Variants in PRPF6 observed in about 807,000 individuals in gnomAD.
PRPF6 encodes pre-mRNA-processing factor 6.
PRPF6 carries 42 observed loss-of-function variants against 118.3 expected under a neutral mutation model. That is an observed-to-expected ratio of 0.35 (90% confidence interval 0.28 to 0.46). PRPF6 has a LOEUF of 0.46. Ranked by LOEUF, PRPF6 falls within the 20% of genes least tolerant of loss-of-function variation. PRPF6 has a pLI of 1.00. For synonymous variants in PRPF6, 481 were observed against 485.1 expected (o/e 0.99, Z 0.11); for missense variants, 662 against 1,255.7 (o/e 0.53, Z 7.15).
intron 12 of PRPF6, among the ~76,000 whole-genome samples, chr20:64,020,416 T>TA (rs921036625): frequency 1.3e-5 from 2 of 150,900 alleles, no homozygotes; most frequent in Non-Finnish European, 3.0e-5. Flanking sequence ...ACTCTGTCTT[T>TA]AAAAAAAAAT....
chr20:64,024,804 G>T, intron 14 of PRPF6, 111 bp downstream of exon 14: 1 of 1,470,512 alleles, frequency 6.8e-7, no homozygotes, highest in South Asian at 1.2e-5. Flanking sequence ...GCTGTTGTTG[G>T]GGTGCACTGG....
intron 6 of PRPF6, among the ~76,000 whole-genome samples, chr20:63,996,991 C>G (rs1257475832): frequency 6.6e-6 from 1 of 152,108 alleles, no homozygotes; most frequent in Non-Finnish European, 1.5e-5. Flanking sequence ...CAGAATTTAC[C>G]ATTTTAATCA....
intron 20 of PRPF6, 136 bp from the exon 21 acceptor site, chr20:64,032,705 G>C: frequency 6.2e-6 from 7 of 1,133,736 alleles, no homozygotes; most frequent in Middle Eastern, 2.8e-4. Flanking sequence ...TTCCGGTGCA[G>C]GGCCTGTGCC....
intron 1 of PRPF6, among the ~76,000 whole-genome samples, chr20:63,982,624 T>C (rs2122966520): frequency 6.6e-6 from 1 of 152,240 alleles, no homozygotes; most frequent in African/African-American, 2.4e-5. Flanking sequence ...GTGGATTCAT[T>C]AGTACTTGGG....
At chr20:64,018,135 G>A (rs188771618) in intron 12 of PRPF6, among the ~76,000 whole-genome samples, 2 of 152,308 alleles carry the variant, frequency 1.3e-5, no homozygotes. Flanking sequence ...GTTTGGGGCC[G>A]TAGTGAGCTG....
intron 6 of PRPF6, among the ~76,000 whole-genome samples, chr20:63,997,642 A>G (rs1160777861): frequency 3.3e-5 from 5 of 151,856 alleles, no homozygotes; most frequent in Non-Finnish European, 7.4e-5. Flanking sequence ...TTTTTAGTAG[A>G]GACGGGGTTT....
chr20:64,004,531 T>C (rs1270394633), intron 9 of PRPF6, among the ~76,000 whole-genome samples: 5 of 152,206 alleles, frequency 3.3e-5, no homozygotes, highest in Non-Finnish European at 7.4e-5. Context: ...AGCCTGGCAG[T>C]GCATGGTCTC....
chr20:64,006,411 G>A (rs989155302), intron 9 of PRPF6, among the ~76,000 whole-genome samples: 5 of 151,778 alleles, frequency 3.3e-5, no homozygotes, highest in Admixed American at 3.3e-4. Flanking sequence ...CCGCCTCCTG[G>A]GTTCAAGGAA....
chr20:63,991,603 A>C (rs2059119100), intron 3 of PRPF6, among the ~76,000 whole-genome samples: 1 of 152,158 alleles, frequency 6.6e-6, no homozygotes, highest in Admixed American at 6.6e-5. Context: ...CATCCTGGCC[A>C]ACATGGTGAA....
chr20:64,026,367 G>A lies in PRPF6; in HGVS notation c.2028+309G>A, dbSNP rs898097432. On this transcript the variant is annotated intron_variant, in intron 15 of 20. Transcript: ENST00000266079. This position sits in a 1 kb window ranked among gnomAD's most constrained non-coding sequence, Gnocchi z 4.4. ...ACTAAAAATACAAAATTAGCCGGGC[G>A]TGGTGGTGCGTGCCTGTAATCCCAG... 4.3e-5 allele frequency among the ~76,000 whole-genome samples: 4 copies of A among 92,852 alleles called. No homozygotes were observed. Among genetic ancestry groups the A allele is most frequent in the Non-Finnish European group, 6.2e-5 (3 of 48,104 alleles). 60.9% of individuals were successfully genotyped at this position (92,852 alleles called of 152,430 possible).
chr20:64,002,014 GTTTTTTTTT>G (rs386394238), intron 9 of PRPF6, among the ~76,000 whole-genome samples: 5 of 83,242 alleles, frequency 6.0e-5, no homozygotes, highest in African/African-American at 4.7e-5. Flanking sequence ...TTTTTTTCTG[GTTTTTTTTT>G]TTTTTTTTTT....
In PRPF6 at chr20:64,028,635, G is replaced by A; in HGVS notation, c.2431+66G>A. On this transcript the variant is annotated intron_variant, in intron 18 of 20. Coordinates refer to ENST00000266079, the MANE Select transcript of PRPF6 (RefSeq NM_012469.4). This position sits in a 1 kb window ranked among gnomAD's most constrained non-coding sequence, Gnocchi z 6.5. ...TCCGGTAAGGGGGTGCCTTGACTCC[G>A]GTAAGGGGGTGCTTCCTGGCTTCCC... The A allele has an allele frequency of 7.7e-6, 12 of 1,561,792 alleles. No individual in the cohort carries two copies. Among genetic ancestry groups the A allele is most frequent in the Admixed American group, 3.4e-5 (2 of 58,536 alleles).
intron 3 of PRPF6, among the ~76,000 whole-genome samples, chr20:63,985,838 C>T (rs1456082099): frequency 1.3e-5 from 2 of 152,130 alleles, no homozygotes; most frequent in Admixed American, 6.5e-5. Context: ...TGAAGAAGAA[C>T]TAATACCAAT....
chr20:64,001,335 T>A (rs2059165606), intron 9 of PRPF6, 96 bp downstream of exon 9: 3 of 1,440,544 alleles, frequency 2.1e-6, no homozygotes, highest in Non-Finnish European at 2.9e-6. Context: ...TGAGAGTGGA[T>A]AAGGAACCAG....
Position 64,011,239 on chromosome 20 carries a change from C to T in PRPF6, c.1306-46C>T, listed in dbSNP as rs776329177. 4.5e-5 allele frequency: 72 copies of T among 1,586,164 alleles called. No homozygotes were observed. The highest frequency in any genetic ancestry group is 5.6e-5 in the Non-Finnish European group (65 of 1,156,890). On this transcript the variant is annotated intron_variant, in intron 10 of 20. Transcript: ENST00000266079. This position sits in a 1 kb window ranked among gnomAD's most constrained non-coding sequence, Gnocchi z 6.7. ...GTCGCTGTCTGGCCTGCAGCTGTCC[C>T]CCCAGCACAGTGTCCTCTCCTTTTT...
At chr20:64,032,093 G>A (rs200094246) in intron 20 of PRPF6, 49 bp downstream of exon 20, 52 of 1,611,828 alleles carry the variant, frequency 3.2e-5, no homozygotes, top group African/African-American at 2.3e-4. Context: ...GGACTGTGGC[G>A]GGGAGTTCCG....
At chr20:64,032,703 C>A in intron 20 of PRPF6, 138 bp from the exon 21 acceptor site, 1 of 1,107,934 alleles carries the variant, frequency 9.0e-7, no homozygotes, top group Non-Finnish European at 1.3e-6. Flanking sequence ...CCTTCCGGTG[C>A]AGGGCCTGTG....
Position 64,001,226 on chromosome 20 carries a change from G to A in PRPF6, c.1173G>A (p.Arg391=). ...AAACGGACATTCGTGCAAAGAAGCG[G>A]GTTCTTCGGAAAGGTGAGCCTCCCT... ...ELETDIRAKK[R]VLRKALEHVP... The change falls in exon 9 of 21, where the codon CGG becomes CGA. Residue 391 remains arginine (R), a synonymous_variant. Coordinates refer to ENST00000266079, the MANE Select transcript of PRPF6 (RefSeq NM_012469.4). 1 of 1,614,214 alleles carries A rather than the reference G, an allele frequency of 6.2e-7. No homozygotes were observed. Among genetic ancestry groups the A allele is most frequent in the Non-Finnish European group, 8.5e-7 (1 of 1,180,032 alleles).
chr20:64,006,240 C>T (rs148632081), intron 9 of PRPF6, among the ~76,000 whole-genome samples: 1 of 151,756 alleles, frequency 6.6e-6, no homozygotes, highest in Non-Finnish European at 1.5e-5. Context: ...AGGGCTGGTA[C>T]ATGAGGAGGC....
Sources: allele counts gnomAD v4.1 joint callset (sites outside exome capture counted in the v4.1 genomes callset), GRCh38; gene constraint gnomAD v4.1.1; non-coding constraint Gnocchi (gnomAD v3.1); transcripts MANE v1.5; gene names NCBI Gene and HGNC (gene_info 2026-07-23, HGNC 2026-07-21).